Variants in RGL1 observed in about 807,000 individuals in gnomAD.
The protein encoded by RGL1 is ral guanine nucleotide dissociation stimulator-like 1.
In RGL1, 24 loss-of-function variants were observed where a neutral mutation model predicts 95.2. That is an observed-to-expected ratio of 0.25 (90% CI 0.18 to 0.35). The LOEUF (loss-of-function observed/expected upper bound fraction) is 0.35, where lower values mean the gene tolerates loss of function less well. Among genes scored for constraint, RGL1 ranks in the 10% least tolerant of loss-of-function variants. RGL1 has a pLI of 1.00. For synonymous variants in RGL1, 329 were observed against 344.9 expected (o/e 0.95, Z 0.51); for missense variants, 715 against 936.3 (o/e 0.76, Z 3.08).
At chr1:183,641,806 C>G (rs1386884981) in intron 1 of RGL1, among the ~76,000 whole-genome samples, 1 of 152,124 alleles carries the variant, frequency 6.6e-6, no homozygotes, top group African/African-American at 2.4e-5. Flanking sequence ...AGAGGTAGAT[C>G]TTTGATTATT....
intron 1 of RGL1, among the ~76,000 whole-genome samples, chr1:183,701,421 T>C (rs934859280): frequency 4.6e-5 from 7 of 152,108 alleles, no homozygotes; most frequent in Admixed American, 2.0e-4. Context: ...CTACCCCGGA[T>C]TGTATGACTG....
intron 3 of RGL1, among the ~76,000 whole-genome samples, chr1:183,848,539 C>A (rs148300797): frequency 6.6e-6 from 1 of 152,126 alleles, no homozygotes; most frequent in Non-Finnish European, 1.5e-5. Context: ...AAATGAGATA[C>A]GGCTTTCTGT....
chr1:183,875,897 T>G (rs1666468276), intron 4 of RGL1, among the ~76,000 whole-genome samples: 1 of 140,870 alleles, frequency 7.1e-6, no homozygotes, highest in African/African-American at 2.7e-5. Flanking sequence ...AAAAAATCAA[T>G]GAGTATAGCA....
At chr1:183,638,101 T>C (rs2101967424) in intron 1 of RGL1, among the ~76,000 whole-genome samples, 1 of 152,318 alleles carries the variant, frequency 6.6e-6, no homozygotes, top group East Asian at 1.9e-4. Context: ...TACATTTCTA[T>C]TCTTTTGTAT....
intron 2 of RGL1, among the ~76,000 whole-genome samples, chr1:183,823,286 A>T (rs1367195215): frequency 1.3e-5 from 2 of 152,188 alleles, no homozygotes; most frequent in African/African-American, 4.8e-5. Flanking sequence ...TTTCTTCAAA[A>T]ATATGAGTTA....
chr1:183,796,658 A>G (rs1353257513), intron 2 of RGL1, among the ~76,000 whole-genome samples: 1 of 152,164 alleles, frequency 6.6e-6, no homozygotes, highest in Non-Finnish European at 1.5e-5. Flanking sequence ...GTTCTAGTTT[A>G]TCTTGGTTTT....
At chr1:183,647,661 C>T in intron 1 of RGL1, 1 of 1,574,692 alleles carries the variant, frequency 6.4e-7, no homozygotes, top group Non-Finnish European at 8.6e-7. Flanking sequence ...TGGTTTCATG[C>T]TGTAGGAATG....
At chr1:183,679,401 G>T (rs1054176264) in intron 1 of RGL1, among the ~76,000 whole-genome samples, 1 of 25,418 alleles carries the variant, frequency 3.9e-5, no homozygotes, top group Admixed American at 2.9e-4. Context: ...CCCCACCCCC[G>T]ACAGGCCCCC....
chr1:183,838,198 A>G (rs966949115), intron 2 of RGL1, among the ~76,000 whole-genome samples: 72 of 152,246 alleles, frequency 4.7e-4, no homozygotes, highest in Non-Finnish European at 2.8e-4. Context: ...TGGAATCCTT[A>G]AAGGATGACC....
intron 4 of RGL1, among the ~76,000 whole-genome samples, chr1:183,873,348 C>T (rs1288194127): frequency 6.6e-6 from 1 of 152,234 alleles, no homozygotes; most frequent in Non-Finnish European, 1.5e-5. Context: ...GCTTACAAGG[C>T]ATTCTGCTAA....
chr1:183,852,816 T>C (rs935212029), intron 3 of RGL1, among the ~76,000 whole-genome samples: 5 of 152,020 alleles, frequency 3.3e-5, no homozygotes, highest in Non-Finnish European at 5.9e-5. Flanking sequence ...AAAAATCATC[T>C]GTTCTCTCCA....
chr1:183,682,212 T>G (rs146050105), intron 1 of RGL1, among the ~76,000 whole-genome samples: 40 of 152,344 alleles, frequency 2.6e-4, no homozygotes, highest in African/African-American at 7.9e-4. Flanking sequence ...TTCTGCTAGC[T>G]TTTGAATTTG....
chr1:183,916,644 C>G lies in RGL1; in HGVS notation c.1947C>G (p.Thr649=). The G allele has an allele frequency of 6.2e-7, 1 of 1,613,948 alleles. No homozygotes were observed. Among genetic ancestry groups the G allele is most frequent in the Non-Finnish European group, 8.5e-7 (1 of 1,180,006 alleles). Residue 649 remains threonine, a synonymous_variant, in exon 16 of 18, where the codon ACC becomes ACG. Coordinates refer to ENST00000360851, the MANE Select transcript of RGL1 (RefSeq NM_001297671.3). ...PPVYNQQNED[T]CIIRISVEDN... is the part of the protein sequence containing the mutation. ...TTTACAACCAACAGAATGAAGACAC[C>G]TGCATAATCCGCATCAGTGTGGAAG...
intron 2 of RGL1, among the ~76,000 whole-genome samples, chr1:183,763,167 C>T (rs373925603): frequency 6.6e-6 from 1 of 152,148 alleles, no homozygotes. Flanking sequence ...CATATTCTCA[C>T]TCATAAGTGG....
upstream of RGL1, among the ~76,000 whole-genome samples, chr1:183,804,238 T>A (rs1661148113): frequency 2.0e-5 from 3 of 151,682 alleles, no homozygotes; most frequent in African/African-American, 7.3e-5. Flanking sequence ...TCATTTAGGG[T>A]GAATAGTATG....
intron 16 of RGL1, among the ~76,000 whole-genome samples, chr1:183,919,177 T>A (rs1281802823): frequency 6.6e-6 from 1 of 152,268 alleles, no homozygotes; most frequent in Non-Finnish European, 1.5e-5. Flanking sequence ...GTAAATTTTA[T>A]TTTTTAATGA....
chr1:183,888,242 CA>C (rs1190465963), intron 7 of RGL1, among the ~76,000 whole-genome samples: 2 of 152,078 alleles, frequency 1.3e-5, no homozygotes, highest in Admixed American at 6.5e-5. Flanking sequence ...AACAACAACA[CA>C]AAAAAATATA....
intron 1 of RGL1, among the ~76,000 whole-genome samples, chr1:183,704,482 AT>A (rs1294266544): frequency 6.6e-6 from 1 of 152,202 alleles, no homozygotes; most frequent in Non-Finnish European, 1.5e-5. Flanking sequence ...GGGTGACACT[AT>A]AAAATAGCCA....
At chr1:183,923,730 T>C (rs911526966) in intron 17 of RGL1, among the ~76,000 whole-genome samples, 4 of 152,192 alleles carry the variant, frequency 2.6e-5, no homozygotes, top group African/African-American at 7.2e-5. Flanking sequence ...CTAAGTGATA[T>C]ATAACTGTGA....
Sources: gnomAD v4.1 joint callset for allele counts (sites outside exome capture counted in the v4.1 genomes callset) on GRCh38, gnomAD v4.1.1 for gene constraint, MANE v1.5 for transcripts, NCBI Gene and HGNC (gene_info 2026-07-23, HGNC 2026-07-21) for gene names.